The following NSUN7 variants were observed in gnomAD, a reference collection of about 807,000 sequenced individuals.
NSUN7 encodes NOP2/Sun RNA methyltransferase family member 7.
Under a neutral mutation model 58.5 loss-of-function variants are expected in NSUN7, and 39 were observed. The observed-to-expected ratio is 0.67, with a 90% CI of 0.52 to 0.87. NSUN7 has a LOEUF of 0.87. Among genes scored for constraint, NSUN7 ranks in the 40% least tolerant of loss-of-function variants. The pLI is 0.00. For synonymous variants in NSUN7, 278 were observed against 303.7 expected (o/e 0.92, Z 0.88); for missense variants, 765 against 844.1 (o/e 0.91, Z 1.16).
chr4:40,788,348 T>A (rs796166908), intron 7 of NSUN7, among the ~76,000 whole-genome samples: 18 of 152,066 alleles, frequency 1.2e-4, no homozygotes, highest in African/African-American at 4.3e-4. Flanking sequence ...AAGAAGTGAG[T>A]TTAGGTAGTA....
chr4:40,786,581 G>T, intron 7 of NSUN7: 1 of 1,613,350 alleles, frequency 6.2e-7, no homozygotes, highest in Non-Finnish European at 8.5e-7. Flanking sequence ...GGTGACCTGA[G>T]TTCATCAACT....
chr4:40,810,011 T>G lies in NSUN7; in HGVS notation c.*1072T>G, dbSNP rs941623533. 5.3e-5 allele frequency: 8 copies of G among 152,212 alleles called. No individual in the cohort carries two copies. The highest frequency in any genetic ancestry group is 5.9e-5 in the Non-Finnish European group (4 of 68,032). 9.4% of individuals were successfully genotyped at this position (152,212 alleles called of 1,614,324 possible). ...CTATATATCTTATTATTTAAAAACA[T>G]TCATAGACATATTCATAAAGTTTGA... On this transcript the variant is annotated 3_prime_UTR_variant, in exon 12 of 12. Transcript: ENST00000381782.
chr4:40,790,934 A>G (rs1463145681), intron 8 of NSUN7, among the ~76,000 whole-genome samples, 189 bp downstream of exon 8: 1 of 152,158 alleles, frequency 6.6e-6, no homozygotes, highest in African/African-American at 2.4e-5. Flanking sequence ...AATCCAATAG[A>G]CCAGGGTGAT....
chr4:40,751,020 A>G, intron 2 of NSUN7, 29 bp downstream of exon 2: 1 of 1,602,444 alleles, frequency 6.2e-7, no homozygotes, highest in Non-Finnish European at 8.5e-7. Context: ...GAAGATCAAC[A>G]CTAAAAGAAA....
intron 4 of NSUN7, among the ~76,000 whole-genome samples, chr4:40,766,580 G>A (rs2154287127): frequency 6.6e-6 from 1 of 152,318 alleles, no homozygotes; most frequent in South Asian, 2.1e-4. Flanking sequence ...TTGGTATGAG[G>A]ATGATGCTGG....
chr4:40,777,611 C>T (rs185610821), intron 7 of NSUN7, among the ~76,000 whole-genome samples: 103 of 152,284 alleles, frequency 6.8e-4, no homozygotes, highest in Admixed American at 3.6e-3. Flanking sequence ...CCACCGCACC[C>T]GGCCTGTATC....
rs1326955319 is a variant in NSUN7, at chr4:40,808,676, A to G, written c.1894A>G (p.Thr632Ala). The change falls in exon 12 of 12, where the codon ACA becomes GCA. Residue 632 changes from threonine (T) to alanine (A), a missense_variant. Physicochemically the swap from Thr to Ala is moderately conservative, Grantham distance 58. Coordinates refer to ENST00000381782, the MANE Select transcript of NSUN7 (RefSeq NM_024677.6). ...TCPSRPRERQTHFLRPRPEDR... is the reference protein window; with the variant it reads ...TCPSRPRERQAHFLRPRPEDR... The stretch of plus-strand genomic sequence containing the variant: ...TCCCTCCAGACCGCGTGAACGGCAG[A>G]CACACTTCTTAAGACCTCGGCCAGA... 1.3e-6 allele frequency: 2 copies of G among 1,551,778 alleles called. No individual in the cohort carries two copies. The highest frequency in any genetic ancestry group is 1.7e-6 in the Non-Finnish European group (2 of 1,147,030).
At chr4:40,780,021 C>G (rs970929385) in intron 7 of NSUN7, among the ~76,000 whole-genome samples, 1 of 152,116 alleles carries the variant, frequency 6.6e-6, no homozygotes, top group Non-Finnish European at 1.5e-5. Context: ...GTAGCTCATG[C>G]CTGTAATCCT....
chr4:40,789,676 C>A (rs186180612), intron 7 of NSUN7, among the ~76,000 whole-genome samples: 354 of 152,002 alleles, frequency 2.3e-3, no homozygotes, highest in African/African-American at 8.2e-3. Context: ...TATTATTATG[C>A]CTATATTGCA....
At chr4:40,795,842 T>TTTTA (rs1560562494) in intron 9 of NSUN7, among the ~76,000 whole-genome samples, 1 of 152,248 alleles carries the variant, frequency 6.6e-6, no homozygotes, top group Non-Finnish European at 1.5e-5. Flanking sequence ...GTAACTGTGC[T>TTTTA]GAGTCCTTGT....
intron 7 of NSUN7, among the ~76,000 whole-genome samples, chr4:40,780,790 CACAT>C (rs1363223415): frequency 4.5e-4 from 50 of 110,972 alleles, no homozygotes; most frequent in East Asian, 1.0e-3. Context: ...CACACACATA[CACAT>C]ATATATATAT....
intron 7 of NSUN7, among the ~76,000 whole-genome samples, chr4:40,787,620 T>A (rs550999408): frequency 2.0e-4 from 30 of 152,308 alleles, no homozygotes; most frequent in Middle Eastern, 6.8e-3. Context: ...GCTATTAAGA[T>A]CTTAAGATTA....
At chr4:40,768,030 A>G (rs1173467476) in intron 4 of NSUN7, among the ~76,000 whole-genome samples, 1 of 152,152 alleles carries the variant, frequency 6.6e-6, no homozygotes, top group Admixed American at 6.6e-5. Flanking sequence ...TCTCGAGCCA[A>G]TTCCCTGTAG....
intron 7 of NSUN7, among the ~76,000 whole-genome samples, chr4:40,783,978 CAGA>C (rs1487224957): frequency 6.6e-6 from 1 of 152,130 alleles, no homozygotes; most frequent in Non-Finnish European, 1.5e-5. Flanking sequence ...TTAGAAAGGG[CAGA>C]AGATCTGAAT....
chr4:40,780,754 T>C (rs1577565693), intron 7 of NSUN7, among the ~76,000 whole-genome samples: 2 of 104,242 alleles, frequency 1.9e-5, no homozygotes, highest in Admixed American at 1.4e-4. Context: ...AACATTGAAA[T>C]ACACACACAC....
At chr4:40,808,270 T>C (rs1300629204) in intron 11 of NSUN7, 37 bp from the exon 12 acceptor site, 1 of 1,557,352 alleles carries the variant, frequency 6.4e-7, no homozygotes, top group Non-Finnish European at 8.7e-7. Flanking sequence ...CAATAATAGC[T>C]AACTCCCACA....
intron 2 of NSUN7, among the ~76,000 whole-genome samples, chr4:40,756,348 C>T (rs748092134): frequency 6.6e-6 from 1 of 152,198 alleles, no homozygotes; most frequent in Non-Finnish European, 1.5e-5. Flanking sequence ...AGGCCCTCCA[C>T]ATGGAAACAT....
At chr4:40,797,591 G>C (rs575832260) in intron 9 of NSUN7, among the ~76,000 whole-genome samples, 2 of 152,252 alleles carry the variant, frequency 1.3e-5, no homozygotes, top group African/African-American at 2.4e-5. Context: ...TATGAGGTAG[G>C]TTCTACATTC....
chr4:40,756,529 G>T (rs955684923), intron 2 of NSUN7, among the ~76,000 whole-genome samples: 4 of 152,134 alleles, frequency 2.6e-5, no homozygotes, highest in African/African-American at 9.7e-5. Flanking sequence ...GGTGTATTTG[G>T]TTACTCTGGT....
Sources: gnomAD v4.1 joint callset for allele counts (sites outside exome capture counted in the v4.1 genomes callset) on GRCh38, gnomAD v4.1.1 for gene constraint, MANE v1.5 for transcripts, NCBI Gene and HGNC (gene_info 2026-07-23, HGNC 2026-07-21) for gene names.